Variants in ZWILCH observed in about 807,000 individuals in gnomAD.
ZWILCH encodes protein zwilch homolog.
ZWILCH carries 74 observed loss-of-function variants against 79.9 expected under a neutral mutation model. That is an observed-to-expected ratio of 0.93 (90% CI 0.77 to 1.12). The LOEUF (loss-of-function observed/expected upper bound fraction) is 1.12, where lower values mean the gene tolerates loss of function less well. ZWILCH is among the 50% of genes most tolerant of loss of function. The pLI is 0.00. For missense variants in ZWILCH, 694 were observed against 687.5 expected, an observed-to-expected ratio of 1.01 and a Z score of -0.11; for synonymous variants, 241 against 228.2, an observed-to-expected ratio of 1.06 and a Z score of -0.51.
At chr15:66,525,401 G>A (rs138234474) in intron 8 of ZWILCH, among the ~76,000 whole-genome samples, 1 of 152,294 alleles carries the variant, frequency 6.6e-6, no homozygotes, top group African/African-American at 2.4e-5. Flanking sequence ...GCCATAGTCT[G>A]TCTGTGTTCA....
chr15:66,523,561 C>A, intron 7 of ZWILCH, 116 bp from the exon 8 acceptor site: 1 of 650,770 alleles, frequency 1.5e-6, no homozygotes, highest in Non-Finnish European at 2.7e-6. Flanking sequence ...ATTCATTGGT[C>A]CTTTATGAAA....
At chr15:66,519,150 C>A in intron 5 of ZWILCH, 72 bp downstream of exon 5, 1 of 1,468,858 alleles carries the variant, frequency 6.8e-7, no homozygotes, top group Non-Finnish European at 9.5e-7. Context: ...TGTTTTTTTA[C>A]GAAAATTGAT....
At chr15:66,539,025 C>T (rs1895110180) in intron 16 of ZWILCH, among the ~76,000 whole-genome samples, 1 of 152,148 alleles carries the variant, frequency 6.6e-6, no homozygotes, top group Non-Finnish European at 1.5e-5. Flanking sequence ...GCTGTGAATC[C>T]CCAGCTTATT....
intron 8 of ZWILCH, 152 bp downstream of exon 8, chr15:66,523,900 C>A: frequency 2.0e-6 from 1 of 511,698 alleles, no homozygotes; most frequent in Non-Finnish European, 3.4e-6. Flanking sequence ...TTAAATTTTA[C>A]TTCTGTGGTA....
Position 66,521,064 on chromosome 15 carries a change from CT to C in ZWILCH, c.609del (p.Phe203LeufsTer47). The C allele has an allele frequency of 6.2e-7, 1 of 1,614,128 alleles. No individual in the cohort carries two copies. Among genetic ancestry groups the C allele is most frequent in the East Asian group, 2.2e-5 (1 of 44,874 alleles). On this transcript the variant is annotated frameshift_variant, in exon 7 of 19. Coordinates refer to ENST00000307897, the MANE Select transcript of ZWILCH (RefSeq NM_017975.5). LOFTEE classifies it high-confidence loss of function. ...HHLSTVTSKGFAQYELFKSSA... is the reference protein window; with the variant it reads ...HHLSTVTSKGXAQYELFKSSA... Reference sequence around the variant, plus strand: ...ACTCTTTTCAGGTAACATCCAAAGGCTTTGCCCAGTATGAGCTCTTTAAGTC... The same window carrying C: ...ACTCTTTTCAGGTAACATCCAAAGGCTTGCCCAGTATGAGCTCTTTAAGTC...
chr15:66,532,155 T>C, intron 12 of ZWILCH, 92 bp from the exon 13 acceptor site: 1 of 959,260 alleles, frequency 1.0e-6, no homozygotes, highest in Non-Finnish European at 1.5e-6. Flanking sequence ...TTATAATTTT[T>C]AGTTTGTAGC....
chr15:66,515,569 C>G lies in ZWILCH; in HGVS notation c.245C>G (p.Ser82Cys). ...ACAAGTCATATTGAAGAACTTCAAT[C>G]TGAAGAAACTGCCATATCTGATTTC... ...EETSHIEELQ[S>C]EETAISDFST... The change falls in exon 4 of 19, where the codon TCT becomes TGT. Residue 82 changes from serine (S) to cysteine (C), a missense_variant. Coordinates refer to ENST00000307897, the MANE Select transcript of ZWILCH (RefSeq NM_017975.5). 1 of 1,612,292 alleles carries G rather than the reference C, an allele frequency of 6.2e-7. No homozygotes were observed. Among genetic ancestry groups the G allele is most frequent in the African/African-American group, 1.3e-5 (1 of 74,962 alleles).
chr15:66,542,484 C>T lies in ZWILCH; in HGVS notation c.1687+2274C>T, dbSNP rs1186069265. On this transcript the variant is annotated intron_variant, in intron 17 of 18. Transcript: ENST00000307897. Reference sequence around the variant, plus strand: ...CCTGTAGTCCCAGCTCTTCGGGAGGCGGAGGCAGGAGAATCACTTGAACCT... The same window carrying T: ...CCTGTAGTCCCAGCTCTTCGGGAGGTGGAGGCAGGAGAATCACTTGAACCT... Among the ~76,000 whole-genome samples the T allele has an allele frequency of 2.0e-5, 3 of 152,018 alleles. No homozygotes were observed. The South Asian group carries it at 6.2e-4, about 32-fold the overall frequency.
At chr15:66,529,979 C>T (rs949395377) in intron 12 of ZWILCH, among the ~76,000 whole-genome samples, 12 of 152,212 alleles carry the variant, frequency 7.9e-5, no homozygotes, top group African/African-American at 2.4e-4. Flanking sequence ...CACAATGTGT[C>T]ATGGCCTTTG....
At chr15:66,536,163 T>TGAAGAGGTTCTATCCTA in intron 15 of ZWILCH, 94 bp downstream of exon 15, 2 of 1,109,850 alleles carry the variant, frequency 1.8e-6, no homozygotes, top group Non-Finnish European at 2.5e-6. Context: ...CCAGTTAGGA[T>TGAAGAGGTTCTATCCTA]AGAACCTCTT....
intron 10 of ZWILCH, among the ~76,000 whole-genome samples, chr15:66,528,483 GTTAATA>G (rs2140782078): frequency 2.0e-5 from 3 of 152,190 alleles, no homozygotes; most frequent in Non-Finnish European, 4.4e-5. Flanking sequence ...AAATGAATAT[GTTAATA>G]TTACTATAAA....
chr15:66,529,350 TGCCACTTTAATTTC>T, intron 11 of ZWILCH, 130 bp from the exon 12 acceptor site: 1 of 543,218 alleles, frequency 1.8e-6, no homozygotes, highest in Non-Finnish European at 3.2e-6. Context: ...TTTTTTTTTT[TGCCACTTTAATTTC>T]TTTCCCTTTC....
chr15:66,533,399 T>G (rs1894912371), intron 14 of ZWILCH, among the ~76,000 whole-genome samples: 1 of 152,232 alleles, frequency 6.6e-6, no homozygotes, highest in Non-Finnish European at 1.5e-5. Flanking sequence ...TTTATAATCT[T>G]TAATGTATAC....
At chr15:66,523,020 G>A (rs905205501) in intron 7 of ZWILCH, among the ~76,000 whole-genome samples, 11 of 151,730 alleles carry the variant, frequency 7.2e-5, no homozygotes, top group African/African-American at 1.9e-4. Flanking sequence ...ACGGGGTTTC[G>A]CCCAGTTGGC....
chr15:66,506,807 C>G (rs1893842179), intron 1 of ZWILCH, among the ~76,000 whole-genome samples: 1 of 151,906 alleles, frequency 6.6e-6, no homozygotes, highest in Non-Finnish European at 1.5e-5. Flanking sequence ...GAGAACCCGT[C>G]TCTAAAAATA....
At chr15:66,506,518 A>C (rs1185494994) in intron 1 of ZWILCH, among the ~76,000 whole-genome samples, 1 of 152,140 alleles carries the variant, frequency 6.6e-6, no homozygotes, top group Non-Finnish European at 1.5e-5. Context: ...AAAATACAAA[A>C]ATTAGCCGGG....
intron 17 of ZWILCH, among the ~76,000 whole-genome samples, chr15:66,544,723 TTTGTGTGTG>T (rs1171030988): frequency 2.6e-5 from 3 of 114,878 alleles, no homozygotes; most frequent in South Asian, 3.6e-4. Context: ...TTTTTTGGTT[TTTGTGTGTG>T]TGTGTGTGTG....
At chr15:66,517,085 A>G (rs1178036479) in intron 4 of ZWILCH, among the ~76,000 whole-genome samples, 2 of 152,090 alleles carry the variant, frequency 1.3e-5, no homozygotes, top group African/African-American at 2.4e-5. Context: ...TCTTTGAAAA[A>G]TAAAAACATA....
chr15:66,535,792 A>G (rs956499378), intron 14 of ZWILCH, 141 bp from the exon 15 acceptor site: 7 of 633,562 alleles, frequency 1.1e-5, no homozygotes, highest in African/African-American at 3.8e-5. Flanking sequence ...GAGAAATTCT[A>G]TCTAGCTTCT....
Sources: allele counts gnomAD v4.1 joint callset (sites outside exome capture counted in the v4.1 genomes callset), GRCh38; gene constraint gnomAD v4.1.1; transcripts MANE v1.5; gene names NCBI Gene and HGNC (gene_info 2026-07-23, HGNC 2026-07-21).